The following HERC1 variants were observed in gnomAD, a reference collection of about 807,000 sequenced individuals.
The protein encoded by HERC1 is probable E3 ubiquitin-protein ligase HERC1.
Under a neutral mutation model 554.3 loss-of-function variants are expected in HERC1, and 160 were observed. The observed-to-expected ratio is 0.29, with a 90% CI of 0.25 to 0.33. The LOEUF (loss-of-function observed/expected upper bound fraction) is 0.33. Ranked by LOEUF, HERC1 falls within the 10% of genes least tolerant of loss-of-function variation. The pLI, the probability that HERC1 is intolerant of heterozygous loss-of-function variation, is 1.00. For synonymous variants in HERC1, 2,175 were observed against 2,131.7 expected, an observed-to-expected ratio of 1.02 and a Z score of -0.56; for missense variants, 4,919 against 5,918.5, an observed-to-expected ratio of 0.83 and a Z score of 5.54.
intron 52 of HERC1, among the ~76,000 whole-genome samples, chr15:63,651,966 G>A (rs1287128131): frequency 6.6e-6 from 1 of 152,118 alleles, no homozygotes; most frequent in African/African-American, 2.4e-5. Flanking sequence ...AACCCAGGAG[G>A]CAGAGGTTGT....
At chr15:63,619,632 T>G (rs1386328111) in intron 74 of HERC1, among the ~76,000 whole-genome samples, 1 of 152,148 alleles carries the variant, frequency 6.6e-6, no homozygotes, top group Admixed American at 6.5e-5. Context: ...GTCCTGGACT[T>G]TTTTTGGTTG....
At chr15:63,650,111 A>T (rs2069589991) in intron 53 of HERC1, among the ~76,000 whole-genome samples, 186 bp from the exon 54 acceptor site, 2 of 152,190 alleles carry the variant, frequency 1.3e-5, no homozygotes, top group African/African-American at 4.8e-5. Flanking sequence ...TCATAAAATT[A>T]AAGTTTTTCA....
At chr15:63,794,236 T>G (rs747262286) in intron 1 of HERC1, among the ~76,000 whole-genome samples, 11 of 152,134 alleles carry the variant, frequency 7.2e-5, no homozygotes, top group Non-Finnish European at 1.6e-4. Flanking sequence ...TTCCTTTACT[T>G]TCTTAATAAA....
chr15:63,643,301 G>C lies in HERC1; in HGVS notation c.11331+103C>G, dbSNP rs766489699. Reference sequence around the variant, plus strand: ...AAAGAAGTTTCCTCAGTATTCAAGAGATTACTATATAAAATGTTTCTACAA... The same window carrying C: ...AAAGAAGTTTCCTCAGTATTCAAGACATTACTATATAAAATGTTTCTACAA... On this transcript the variant is annotated intron_variant, in intron 58 of 77. Coordinates refer to ENST00000443617, the MANE Select transcript of HERC1 (RefSeq NM_003922.4). 2.4e-4 allele frequency: 243 copies of C among 1,031,296 alleles called. 1 individual carries two copies. The highest frequency in any genetic ancestry group is 3.2e-4 in the Non-Finnish European group (228 of 711,176). The allele number at this position is 1,031,296 out of a possible 1,614,324, so 63.9% of individuals were successfully genotyped here.
At position 63,680,136 on chromosome 15, in the gene HERC1, C is replaced by T. The variant is rs776864065; in HGVS notation, c.6490G>A (p.Val2164Met). ...CATGGGTACAACTCTGCTGCATCCA[C>T]ATCTTCAAAAGCTAATTTGGGTTCC... ...GEEPKLAFEDVDAAELYPCVM... is the reference protein window; with the variant it reads ...GEEPKLAFEDMDAAELYPCVM... Residue 2164 changes from valine to methionine, a missense_variant, in exon 36 of 78, where the codon GTG becomes ATG. Val to Met is a conservative substitution (Grantham distance 21). Around this residue, in one of 11 missense-constraint regions of HERC1, gnomAD observed 85 missense variants for 163.2 expected, o/e 0.52. Transcript: ENST00000443617. This position sits in a 1 kb window ranked among gnomAD's most constrained non-coding sequence, Gnocchi z 5.8. The T allele has an allele frequency of 1.9e-6, 3 of 1,613,188 alleles. No homozygotes were observed. Among genetic ancestry groups the T allele is most frequent in the African/African-American group, 1.3e-5 (1 of 74,896 alleles).
In HERC1 at chr15:63,651,235, T is replaced by G. The variant is rs2069660892; in HGVS notation, c.10546+18A>C. 1 of 1,612,634 alleles carries G rather than the reference T, an allele frequency of 6.2e-7. No homozygotes were observed. The highest frequency in any genetic ancestry group is 8.5e-7 in the Non-Finnish European group (1 of 1,179,324). On this transcript the variant is annotated intron_variant, in intron 53 of 77. Transcript: ENST00000443617. ...AAAACTACTTTCAGCAGTTTACTAG[T>G]GTTTACATGACTCTTACCATTAACT...
Position 63,686,355 on chromosome 15 carries a change from G to A in HERC1, c.6225+4C>T, listed in dbSNP as rs141414233. 7.3e-3 allele frequency: 11,549 copies of A among 1,581,242 alleles called. 44 individuals carry two copies. The highest frequency in any genetic ancestry group is 9.0e-3 in the Non-Finnish European group (10,503 of 1,167,638). On this transcript the variant is annotated splice_donor_region_variant and intron_variant, in intron 34 of 77. Coordinates refer to ENST00000443617, the MANE Select transcript of HERC1 (RefSeq NM_003922.4). ...TGCTAAAAACTATTAGATTTTCTAC[G>A]TACCTTCCACTGATAGCACCCAGAA...
intron 21 of HERC1, among the ~76,000 whole-genome samples, chr15:63,717,244 A>AT (rs1344569907): frequency 2.6e-5 from 4 of 152,234 alleles, no homozygotes; most frequent in Admixed American, 6.5e-5. Context: ...TGAGTTTCAA[A>AT]TATGAGCCTC....
At chr15:63,825,994 C>G (rs2077888850) in intron 1 of HERC1, among the ~76,000 whole-genome samples, 1 of 151,980 alleles carries the variant, frequency 6.6e-6, no homozygotes, top group Non-Finnish European at 1.5e-5. Flanking sequence ...AACTCCTGAC[C>G]TCAGGTGATC....
intron 61 of HERC1, 145 bp downstream of exon 61, chr15:63,640,007 A>G: frequency 1.3e-6 from 1 of 771,746 alleles, no homozygotes; most frequent in East Asian, 2.7e-5. Flanking sequence ...GAAAGTGACT[A>G]TCTGAAAGAA....
intron 12 of HERC1, among the ~76,000 whole-genome samples, chr15:63,744,164 G>GTGTGTGTGTGTCTCTCTCTCTCTCTCTC: frequency 1.3e-4 from 6 of 46,306 alleles, no homozygotes; most frequent in Non-Finnish European, 3.2e-4. Context: ...GTGTGTGTGT[G>GTGTGTGTGTGTCTCTCTCTCTCTCTCTC]TCTCTCTCTC....
Position 63,678,234 on chromosome 15 carries a change from G to C in HERC1, c.6681C>G (p.Asp2227Glu). 1 of 1,613,654 alleles carries C rather than the reference G, an allele frequency of 6.2e-7. No homozygotes were observed. The highest frequency in any genetic ancestry group is 8.5e-7 in the Non-Finnish European group (1 of 1,179,822). The change falls in exon 37 of 78, where the codon GAC becomes GAG. Residue 2227 changes from aspartate (D) to glutamate (E), a missense_variant. Physicochemically the swap from Asp to Glu is conservative, Grantham distance 45 (BLOSUM62 2). Transcript: ENST00000443617. ...TTTTGTTAATGCAGTAAGTCCAACGGTCTGTTCGGTGAAGGATACGGATGA... is the reference window on the plus strand; with the variant it reads ...TTTTGTTAATGCAGTAAGTCCAACGCTCTGTTCGGTGAAGGATACGGATGA... ...IQLIRILHRT[D>E]RWTYCINKKM... is the part of the protein sequence containing the mutation.
intron 24 of HERC1, among the ~76,000 whole-genome samples, chr15:63,708,425 A>G (rs2073125789): frequency 6.6e-6 from 1 of 152,204 alleles, no homozygotes; most frequent in African/African-American, 2.4e-5. Flanking sequence ...AGCCTTTTTC[A>G]GTCCTAATTC....
intron 3 of HERC1, among the ~76,000 whole-genome samples, chr15:63,761,987 A>G (rs2075626428): frequency 6.6e-6 from 1 of 152,238 alleles, no homozygotes; most frequent in African/African-American, 2.4e-5. Flanking sequence ...ATAAAAACCT[A>G]GAAATAAGAC....
rs1408498336 is a variant in HERC1, at chr15:63,612,955, G to T, written c.14095-399C>A. Among the ~76,000 whole-genome samples, 2 of 152,150 alleles carry T rather than the reference G, an allele frequency of 1.3e-5. No homozygotes were observed. Among genetic ancestry groups the T allele is most frequent in the Non-Finnish European group, 2.9e-5 (2 of 68,024 alleles). ...CTCATAAAGGTAAGAAGCTTTGGGGGCACTCAACTAGCTGCCTACTGTTTT... is the reference window on the plus strand; with the variant it reads ...CTCATAAAGGTAAGAAGCTTTGGGGTCACTCAACTAGCTGCCTACTGTTTT... On this transcript the variant is annotated intron_variant, in intron 76 of 77. Coordinates refer to ENST00000443617, the MANE Select transcript of HERC1 (RefSeq NM_003922.4). The surrounding 1 kb of genome is among the most constrained non-coding windows in gnomAD (Gnocchi z 5.0).
chr15:63,683,158 A>G (rs2071569468), intron 34 of HERC1, among the ~76,000 whole-genome samples: 2 of 151,704 alleles, frequency 1.3e-5, no homozygotes, highest in African/African-American at 4.8e-5. Context: ...AAAAAAAGAA[A>G]GAAAAAAAAT....
rs758017462 is a variant in HERC1, at chr15:63,662,023, T to C, written c.8902-2A>G. The C allele has an allele frequency of 1.9e-6, 3 of 1,608,912 alleles. No homozygotes were observed. Among genetic ancestry groups the C allele is most frequent in the Non-Finnish European group, 2.6e-6 (3 of 1,175,550 alleles). ...CCTGTCTTCAGACTCACAAACATGCTGCACAAAAGGATTTCATACCAAATG... is the reference window on the plus strand; with the variant it reads ...CCTGTCTTCAGACTCACAAACATGCCGCACAAAAGGATTTCATACCAAATG... On this transcript the variant is annotated splice_acceptor_variant, in intron 44 of 77. Transcript: ENST00000443617. LOFTEE classifies it high-confidence loss of function.
intron 75 of HERC1, 73 bp from the exon 76 acceptor site, chr15:63,615,993 C>T (rs531973049): frequency 3.1e-5 from 39 of 1,258,524 alleles, no homozygotes; most frequent in Admixed American, 1.3e-4. Context: ...CATACAAATA[C>T]GGCACAGCAA....
At position 63,734,035 on chromosome 15, in the gene HERC1, C is replaced by T. The variant is rs939212693; in HGVS notation, c.2646+689G>A. ...AAAAAAAATTAGCCGGGTGTGGTGG[C>T]ACGTGCCAGCAGTCTTAGCTACTCC... On this transcript the variant is annotated intron_variant, in intron 13 of 77. Transcript: ENST00000443617. The surrounding 1 kb of genome is among the most constrained non-coding windows in gnomAD (Gnocchi z 4.6). 6.6e-6 allele frequency among the ~76,000 whole-genome samples: 1 copy of T among 151,944 alleles called. No homozygotes were observed. The highest frequency in any genetic ancestry group is 1.5e-5 in the Non-Finnish European group (1 of 67,974).
Sources: allele counts gnomAD v4.1 joint callset (sites outside exome capture counted in the v4.1 genomes callset), GRCh38; gene constraint gnomAD v4.1.1; regional missense constraint gnomAD v4.1.1; non-coding constraint Gnocchi (gnomAD v3.1); transcripts MANE v1.5; gene names NCBI Gene and HGNC (gene_info 2026-07-23, HGNC 2026-07-21).